Variants in KIAA2012 observed in about 807,000 individuals in gnomAD.
KIAA2012 encodes KIAA2012, also known as uncharacterized protein KIAA2012.
In KIAA2012, 125 loss-of-function variants were observed where a neutral mutation model predicts 150.6. That is an observed-to-expected ratio of 0.83 (90% CI 0.72 to 0.96). The LOEUF is 0.96. Among genes scored for constraint, KIAA2012 ranks in the 40% least tolerant of loss-of-function variants. The pLI, the probability that KIAA2012 is intolerant of heterozygous loss-of-function variation, is 0.00. For missense variants in KIAA2012, 1,219 were observed against 1,354.9 expected, an observed-to-expected ratio of 0.90 and a Z score of 1.57; for synonymous variants, 462 against 504.7, an observed-to-expected ratio of 0.92 and a Z score of 1.13.
intron 9 of KIAA2012, among the ~76,000 whole-genome samples, chr2:202,108,346 C>G (rs1291426401): frequency 1.3e-5 from 2 of 152,238 alleles, no homozygotes; most frequent in African/African-American, 4.8e-5. Context: ...AATTACCACA[C>G]TCAAGAAAGC....
At chr2:202,090,675 C>A in intron 2 of KIAA2012, 95 bp from the exon 3 acceptor site, 1 of 1,363,338 alleles carries the variant, frequency 7.3e-7, no homozygotes, top group Non-Finnish European at 9.6e-7. Flanking sequence ...CTGGGAGTTT[C>A]CTGGGTTACT....
At chr2:202,128,955 C>T (rs1024548667) in intron 12 of KIAA2012, among the ~76,000 whole-genome samples, 5 of 151,918 alleles carry the variant, frequency 3.3e-5, no homozygotes, top group African/African-American at 9.7e-5. Context: ...CTGGGCCAGG[C>T]GCAATGGCTC....
intron 12 of KIAA2012, chr2:202,125,680 T>C (rs767573914): frequency 1.4e-5 from 5 of 345,904 alleles, no homozygotes; most frequent in Non-Finnish European, 2.2e-5. Context: ...GGAGCCGATC[T>C]GGGAAAGACT....
Position 202,196,837 on chromosome 2 carries a change from G to T in KIAA2012, c.3225G>T (p.Gln1075His). 1 of 1,550,554 alleles carries T rather than the reference G, an allele frequency of 6.4e-7. No individual in the cohort carries two copies. Among genetic ancestry groups the T allele is most frequent in the Non-Finnish European group, 8.7e-7 (1 of 1,146,982 alleles). The change falls in exon 22 of 24, where the codon CAG (glutamine) becomes CAT (histidine). Residue 1075 changes from glutamine to histidine, a missense_variant. Transcript: ENST00000498697. ...AAAGGCAAGAGGAATTGGAAATGCA[G>T]TTAGAAGAAGAACAAAAACACCTGA... is the stretch of plus-strand genomic sequence containing the variant. Reference protein sequence around the residue: ...EKQRQEELEMQLEEEQKHLME... With the variant: ...EKQRQEELEMHLEEEQKHLME...
At chr2:202,085,904 T>C (rs778589260) in intron 2 of KIAA2012, among the ~76,000 whole-genome samples, 44 of 152,114 alleles carry the variant, frequency 2.9e-4, no homozygotes, top group Non-Finnish European at 4.1e-4. Flanking sequence ...GCGCAGTGGC[T>C]CACGCCTGTA....
At chr2:202,182,863 T>C (rs947137799) in intron 15 of KIAA2012, among the ~76,000 whole-genome samples, 1 of 152,236 alleles carries the variant, frequency 6.6e-6, no homozygotes, top group African/African-American at 2.4e-5. Context: ...GTCATTCTAG[T>C]AGTTATGAGT....
chr2:202,201,434 C>G, intron 22 of KIAA2012: 1 of 1,594,688 alleles, frequency 6.3e-7, no homozygotes, highest in Non-Finnish European at 8.6e-7. Flanking sequence ...TCCCCTTCCA[C>G]TGAGTTACGA....
At chr2:202,101,471 G>C (rs1690042102) in intron 7 of KIAA2012, among the ~76,000 whole-genome samples, 1 of 152,162 alleles carries the variant, frequency 6.6e-6, no homozygotes, top group Admixed American at 6.5e-5. Context: ...TTTGCTCCTG[G>C]GTCAGGCCAG....
intron 15 of KIAA2012, among the ~76,000 whole-genome samples, chr2:202,176,381 G>C (rs891539422): frequency 6.6e-6 from 1 of 151,982 alleles, no homozygotes; most frequent in South Asian, 2.1e-4. Context: ...ATTTTTAGTA[G>C]AGACAGGGTT....
At chr2:202,199,444 AT>A (rs1692472007) in intron 22 of KIAA2012, among the ~76,000 whole-genome samples, 1 of 152,064 alleles carries the variant, frequency 6.6e-6, no homozygotes, top group African/African-American at 2.4e-5. Flanking sequence ...TAGTTTTTAT[AT>A]TTGTATTTTT....
rs186332769 is a variant in KIAA2012 at position 202,106,729 on chromosome 2, G to A, written c.1474+819G>A. 6.8e-4 allele frequency among the ~76,000 whole-genome samples: 103 copies of A among 151,992 alleles called. 1 individual carries two copies. The highest frequency in any genetic ancestry group is 2.3e-3 in the African/African-American group (95 of 41,444). ...TTTTTTTTAAAAAGTCCATAATATT[G>A]ATAAAAGTCTTCACTCCAATTTCCA... On this transcript the variant is annotated intron_variant, in intron 9 of 23. Coordinates refer to ENST00000498697, the MANE Select transcript of KIAA2012 (RefSeq NM_001277372.4).
intron 2 of KIAA2012, among the ~76,000 whole-genome samples, chr2:202,075,408 G>A (rs1419758458): frequency 3.3e-5 from 5 of 152,148 alleles, no homozygotes; most frequent in African/African-American, 9.7e-5. Context: ...ACCATAAAGG[G>A]CTACATTATC....
chr2:202,190,051 G>C, intron 18 of KIAA2012, 123 bp from the exon 19 acceptor site: 1 of 748,682 alleles, frequency 1.3e-6, no homozygotes, highest in East Asian at 2.9e-5. Context: ...TCGTGCCACT[G>C]CTCTCCAGCT....
intron 15 of KIAA2012, among the ~76,000 whole-genome samples, chr2:202,180,858 A>G (rs1453219665): frequency 6.6e-6 from 1 of 152,226 alleles, no homozygotes; most frequent in Non-Finnish European, 1.5e-5. Context: ...TTTCAAGGAT[A>G]TTCTATGCAA....
At chr2:202,109,011 T>C (rs990631331) in intron 9 of KIAA2012, among the ~76,000 whole-genome samples, 8 of 152,212 alleles carry the variant, frequency 5.3e-5, no homozygotes, top group Admixed American at 4.6e-4. Flanking sequence ...AGAAGCAGAG[T>C]GTAGGGTATG....
intron 15 of KIAA2012, chr2:202,179,660 A>G (rs1692076236): frequency 1.5e-6 from 1 of 658,492 alleles, no homozygotes; most frequent in African/African-American, 1.8e-5. Context: ...GAATATACTC[A>G]GTCAGGTGGT....
rs1692622398 is a variant in KIAA2012, at chr2:202,205,160, GTGCAA to G, written c.*188_*192del. On this transcript the variant is annotated 3_prime_UTR_variant, in exon 24 of 24. Transcript: ENST00000498697. ...ACACATTTAAGTTAACCATATCAGA[GTGCAA>G]TGCATTTCGAAAAATCCAAAAAACT... 1.3e-5 allele frequency: 2 copies of G among 152,208 alleles called. No homozygotes were observed. The highest frequency in any genetic ancestry group is 4.8e-5 in the African/African-American group (2 of 41,448). The allele number at this position is 152,208 out of a possible 1,614,324, so 9.4% of individuals were successfully genotyped here.
chr2:202,114,104 A>G (rs1690454266), intron 11 of KIAA2012: 2 of 152,262 alleles, frequency 1.3e-5, no homozygotes, highest in Admixed American at 1.3e-4. Context: ...GGGTTACGTC[A>G]TGACCCGCTC....
rs1692622576 is a variant in KIAA2012 at position 202,205,163 on chromosome 2, C to T, written c.*186C>T. 6.6e-6 allele frequency: 1 copy of T among 152,190 alleles called. No homozygotes were observed. Among genetic ancestry groups the T allele is most frequent in the Non-Finnish European group, 1.5e-5 (1 of 68,038 alleles). The allele number at this position is 152,190 out of a possible 1,614,324, so 9.4% of individuals were successfully genotyped here. A position where few individuals can be genotyped will look rare whatever the true frequency, so the allele number is the denominator to read the frequency against. Reference sequence around the variant, plus strand: ...CATTTAAGTTAACCATATCAGAGTGCAATGCATTTCGAAAAATCCAAAAAA... The same window carrying T: ...CATTTAAGTTAACCATATCAGAGTGTAATGCATTTCGAAAAATCCAAAAAA... On this transcript the variant is annotated 3_prime_UTR_variant, in exon 24 of 24. Transcript: ENST00000498697.
Sources: allele counts gnomAD v4.1 joint callset (sites outside exome capture counted in the v4.1 genomes callset), GRCh38; gene constraint gnomAD v4.1.1; transcripts MANE v1.5; gene names NCBI Gene and HGNC (gene_info 2026-07-23, HGNC 2026-07-21).